Variants in FAM8A1 observed in about 807,000 individuals in gnomAD.
FAM8A1 encodes family with sequence similarity 8 member A1.
Under a neutral mutation model 38.3 loss-of-function variants are expected in FAM8A1, and 18 were observed. The ratio of observed to expected loss-of-function variants is 0.47; its 90% CI spans 0.33 to 0.70. FAM8A1 has a LOEUF of 0.70. Ranked by LOEUF, FAM8A1 falls within the 30% of genes least tolerant of loss-of-function variation. The pLI, the probability that FAM8A1 is intolerant of heterozygous loss-of-function variation, is 0.03. For synonymous variants in FAM8A1, 246 were observed against 234.4 expected (o/e 1.05, Z -0.45); for missense variants, 559 against 559.6 (o/e 1.00, Z 0.01).
Position 17,600,936 on chromosome 6 carries a change from A to G in FAM8A1, c.527A>G (p.Tyr176Cys), listed in dbSNP as rs759692986. 6.3e-7 allele frequency: 1 copy of G among 1,592,528 alleles called. No individual in the cohort carries two copies. Among genetic ancestry groups the G allele is most frequent in the Non-Finnish European group, 8.5e-7 (1 of 1,172,090 alleles). Residue 176 changes from tyrosine (Y) to cysteine (C), a missense_variant, in exon 1 of 5, where the codon TAC (tyrosine) becomes TGC (cysteine). Transcript: ENST00000259963. The part of the protein sequence containing the change: ...PPQLGYYNPF[Y>C]FLSPGAAGPD... ...CAGCTGGGCTATTACAACCCCTTCTACTTCCTGAGCCCCGGGGCCGCGGGG... is the reference window on the plus strand; with the variant it reads ...CAGCTGGGCTATTACAACCCCTTCTGCTTCCTGAGCCCCGGGGCCGCGGGG...
rs886389334 is a variant in FAM8A1 at position 17,608,883 on chromosome 6, A to C, written c.*544A>C. On this transcript the variant is annotated 3_prime_UTR_variant, in exon 5 of 5. Transcript: ENST00000259963. Reference sequence around the variant, plus strand: ...TACAAGAGAAAGGGACAAGTGAGGCAGGCCTAGCAGTTCCCTTACCTGAAG... The same window carrying C: ...TACAAGAGAAAGGGACAAGTGAGGCCGGCCTAGCAGTTCCCTTACCTGAAG... The C allele has an allele frequency of 6.6e-6, 1 of 152,226 alleles. No homozygotes were observed. The highest frequency in any genetic ancestry group is 1.5e-5 in the Non-Finnish European group (1 of 68,036). The allele number at this position is 152,226 out of a possible 1,614,324, so 9.4% of individuals were successfully genotyped here.
chr6:17,606,064 G>A lies in FAM8A1; in HGVS notation c.1097+51G>A, dbSNP rs372115838. ...ACTACATACTTAATGAAAATAATGT[G>A]TTTTAGAATATTGGGGTTTTTTTCT... On this transcript the variant is annotated intron_variant, in intron 4 of 4. Coordinates refer to ENST00000259963, the MANE Select transcript of FAM8A1 (RefSeq NM_016255.3). The A allele has an allele frequency of 1.4e-5, 19 of 1,369,010 alleles. No homozygotes were observed. The African/African-American group carries it at 2.6e-4, about 19-fold the overall frequency. The allele number at this position is 1,369,010 out of a possible 1,614,324, so 84.8% of individuals were successfully genotyped here.
At position 17,609,876 on chromosome 6, in the gene FAM8A1, GACA is replaced by G. The variant is rs1446926954; in HGVS notation, c.*1541_*1543del. 1 of 152,014 alleles carries G rather than the reference GACA, an allele frequency of 6.6e-6. No homozygotes were observed. Among genetic ancestry groups the G allele is most frequent in the Non-Finnish European group, 1.5e-5 (1 of 67,984 alleles). 9.4% of individuals were successfully genotyped at this position (152,014 alleles called of 1,614,324 possible). A position where few individuals can be genotyped will look rare whatever the true frequency, so the allele number is the denominator to read the frequency against. ...GTTTTTCTTTGACGTTTAAAACTGT[GACA>G]ACAGATATTCACATTTGATTATAGA... On this transcript the variant is annotated 3_prime_UTR_variant, in exon 5 of 5. Coordinates refer to ENST00000259963, the MANE Select transcript of FAM8A1 (RefSeq NM_016255.3).
intron 4 of FAM8A1, 148 bp from the exon 5 acceptor site, chr6:17,608,047 A>G (rs764416488): frequency 1.6e-4 from 138 of 856,612 alleles, no homozygotes; most frequent in Non-Finnish European, 2.2e-4. Context: ...AATTCTCTCA[A>G]CTATACCTTG....
Position 17,608,586 on chromosome 6 carries a change from A to T in FAM8A1, c.*247A>T, listed in dbSNP as rs1474639898. 3.0e-6 allele frequency: 1 copy of T among 331,514 alleles called. No individual in the cohort carries two copies. Among genetic ancestry groups the T allele is most frequent in the Non-Finnish European group, 5.4e-6 (1 of 185,528 alleles). The allele number at this position is 331,514 out of a possible 1,614,324, so 20.5% of individuals were successfully genotyped here. A position where few individuals can be genotyped will look rare whatever the true frequency, so the allele number is the denominator to read the frequency against. ...CAAATGATTTTATAAACAATGGACA[A>T]TATATACTTTCTTAAGATCTAAGGT... On this transcript the variant is annotated 3_prime_UTR_variant, in exon 5 of 5. Transcript: ENST00000259963.
In FAM8A1 at chr6:17,611,587, A is replaced by T. The variant is rs1457299777; in HGVS notation, c.*3248A>T. On this transcript the variant is annotated 3_prime_UTR_variant, in exon 5 of 5. Transcript: ENST00000259963. ...CAGTATACATACTTCTTTGCAGTTC[A>T]TTATAGTAAGGCTTAACCTGTAAAC... The T allele has an allele frequency of 6.5e-6, 1 of 152,704 alleles. No homozygotes were observed. Among genetic ancestry groups the T allele is most frequent in the East Asian group, 1.9e-4 (1 of 5,186 alleles). The allele number at this position is 152,704 out of a possible 1,614,324, so 9.5% of individuals were successfully genotyped here.
At chr6:17,602,891 GA>G (rs1207938169) in intron 2 of FAM8A1, among the ~76,000 whole-genome samples, 181 bp downstream of exon 2, 6 of 151,780 alleles carry the variant, frequency 4.0e-5, no homozygotes, top group East Asian at 3.9e-4. Flanking sequence ...AACTAGAAAG[GA>G]AAAAAAATAG....
chr6:17,601,055 A>G lies in FAM8A1; in HGVS notation c.646A>G (p.Thr216Ala), dbSNP rs1226438836. 2.5e-6 allele frequency: 4 copies of G among 1,596,428 alleles called. No homozygotes were observed. Among genetic ancestry groups the G allele is most frequent in the Non-Finnish European group, 3.4e-6 (4 of 1,174,334 alleles). Residue 216 changes from threonine to alanine, a missense_variant, in exon 1 of 5, where the codon ACT (threonine) becomes GCT (alanine). Physicochemically the swap from Thr to Ala is moderately conservative, Grantham distance 58. Transcript: ENST00000259963. ...APHVQASVRA[T>A]PVTRVGSAAP... ...TCACGTGCAGGCGTCGGTCCGGGCC[A>G]CTCCAGTGACGAGGGTAGGATCCGC... is the stretch of plus-strand genomic sequence containing the variant.
Position 17,600,345 on chromosome 6 carries a change from A to G in FAM8A1, c.-65A>G. On this transcript the variant is annotated 5_prime_UTR_variant, in exon 1 of 5. Coordinates refer to ENST00000259963, the MANE Select transcript of FAM8A1 (RefSeq NM_016255.3). ...TGCGGTGGTGACGGGGCTGTTGGGG[A>G]GGGGCCATTGGGGGAGGGAAACGGA... is the stretch of plus-strand genomic sequence containing the variant. 7.6e-7 allele frequency: 1 copy of G among 1,318,678 alleles called. No individual in the cohort carries two copies. 81.7% of individuals were successfully genotyped at this position (1,318,678 alleles called of 1,614,324 possible). A position where few individuals can be genotyped will look rare whatever the true frequency, so the allele number is the denominator to read the frequency against.
chr6:17,601,969 A>G (rs1763991323), intron 1 of FAM8A1, among the ~76,000 whole-genome samples: 1 of 152,208 alleles, frequency 6.6e-6, no homozygotes, highest in African/African-American at 2.4e-5. Context: ...TCCTCATTAG[A>G]ATTCCTAGTG....
At chr6:17,604,457 C>T (rs147546529) in intron 2 of FAM8A1, among the ~76,000 whole-genome samples, 65 of 152,216 alleles carry the variant, frequency 4.3e-4, no homozygotes, top group African/African-American at 1.4e-3. Context: ...CTTTCTGGAA[C>T]GTTATTTCCT....
intron 4 of FAM8A1, among the ~76,000 whole-genome samples, chr6:17,606,905 A>G (rs1323305163): frequency 6.6e-6 from 1 of 152,174 alleles, no homozygotes; most frequent in Admixed American, 6.5e-5. Context: ...TTGTTACATC[A>G]AGAAATATAA....
chr6:17,601,318 C>T (rs1337281971), intron 1 of FAM8A1, among the ~76,000 whole-genome samples, 197 bp downstream of exon 1: 1 of 152,202 alleles, frequency 6.6e-6, no homozygotes, highest in African/African-American at 2.4e-5. Context: ...TTTCTTCTTC[C>T]TTTAGACCTG....
At chr6:17,603,175 G>A (rs1005317755) in intron 2 of FAM8A1, among the ~76,000 whole-genome samples, 2 of 152,208 alleles carry the variant, frequency 1.3e-5, no homozygotes, top group Non-Finnish European at 2.9e-5. Flanking sequence ...AAAGTGAGAC[G>A]TTTATTTGAG....
At position 17,604,812 on chromosome 6, in the gene FAM8A1, A is replaced by C. The variant is rs1034395092; in HGVS notation, c.834-94A>C. The C allele has an allele frequency of 8.3e-6, 8 of 968,826 alleles. No individual in the cohort carries two copies. In the African/African-American group the frequency reaches 1.2e-4, roughly 14 times the overall value. The allele number at this position is 968,826 out of a possible 1,614,324, so 60.0% of individuals were successfully genotyped here. On this transcript the variant is annotated intron_variant, in intron 2 of 4. Coordinates refer to ENST00000259963, the MANE Select transcript of FAM8A1 (RefSeq NM_016255.3). ...AATCTAAAGATTAGTTTAGAATTTCAATTAAAATGTATGACTTGCACTAAT... is the reference window on the plus strand; with the variant it reads ...AATCTAAAGATTAGTTTAGAATTTCCATTAAAATGTATGACTTGCACTAAT...
At position 17,605,165 on chromosome 6, in the gene FAM8A1, C is replaced by G; in HGVS notation, c.957+136C>G. The G allele has an allele frequency of 4.6e-6, 3 of 648,250 alleles. No individual in the cohort carries two copies. The Admixed American group carries it at 1.0e-4, about 22-fold the overall frequency. The allele number at this position is 648,250 out of a possible 1,614,324, so 40.2% of individuals were successfully genotyped here. On this transcript the variant is annotated intron_variant, in intron 3 of 4. Transcript: ENST00000259963. ...GTGTGATCTTGGCTCACTGCAACCT[C>G]TGCCTCCTGAGTTCAAGTGATTCTC...
rs116091614 is a variant in FAM8A1, at chr6:17,605,651, T to A, written c.958-223T>A. On this transcript the variant is annotated intron_variant, in intron 3 of 4. Coordinates refer to ENST00000259963, the MANE Select transcript of FAM8A1 (RefSeq NM_016255.3). ...TCTGCAGAAGCAGCTTACTAGAAAG[T>A]ATAGTAGTCATAGAGAAATATTACA... 3.5e-3 allele frequency among the ~76,000 whole-genome samples: 537 copies of A among 152,314 alleles called. 4 individuals are homozygous for A. Among genetic ancestry groups the A allele is most frequent in the African/African-American group, 0.013 (531 of 41,580 alleles).
In FAM8A1 at chr6:17,600,482, G is replaced by A. The variant is rs1581638373; in HGVS notation, c.73G>A (p.Val25Ile). ...CGATGGCGGAGGGGACCACGAGCCCGTCCCTTCCCTGAGAGGCCCTCCTAC... is the reference window on the plus strand; with the variant it reads ...CGATGGCGGAGGGGACCACGAGCCCATCCCTTCCCTGAGAGGCCCTCCTAC... The part of the protein sequence containing the change: ...QDDGGGDHEP[V>I]PSLRGPPTTA... The change falls in exon 1 of 5, where the codon GTC becomes ATC. Residue 25 changes from valine (V) to isoleucine (I), a missense_variant. This residue lies in a region of FAM8A1 where 393 missense variants were observed against 338.9 expected (regional missense o/e 1.16). Transcript: ENST00000259963. The A allele has an allele frequency of 6.6e-7, 1 of 1,523,880 alleles. No homozygotes were observed. Among genetic ancestry groups the A allele is most frequent in the Non-Finnish European group, 8.8e-7 (1 of 1,139,444 alleles). 94.4% of individuals were successfully genotyped at this position (1,523,880 alleles called of 1,614,324 possible). A position where few individuals can be genotyped will look rare whatever the true frequency, so the allele number is the denominator to read the frequency against.
intron 4 of FAM8A1, among the ~76,000 whole-genome samples, chr6:17,607,338 TTTA>T (rs1485785313): frequency 1.3e-5 from 2 of 151,738 alleles, no homozygotes; most frequent in Non-Finnish European, 2.9e-5. Flanking sequence ...ATGGCTAATG[TTTA>T]TTGAGTACTT....
Sources: allele counts gnomAD v4.1 joint callset (sites outside exome capture counted in the v4.1 genomes callset), GRCh38; gene constraint gnomAD v4.1.1; regional missense constraint gnomAD v4.1.1; transcripts MANE v1.5; gene names NCBI Gene and HGNC (gene_info 2026-07-23, HGNC 2026-07-21).